Variants in CFAP61 observed in about 807,000 individuals in gnomAD.
The protein encoded by CFAP61 is cilia- and flagella-associated protein 61.
Under a neutral mutation model 135.6 loss-of-function variants are expected in CFAP61, and 107 were observed. The ratio of observed to expected loss-of-function variants is 0.79; its 90% CI spans 0.67 to 0.93. The LOEUF (loss-of-function observed/expected upper bound fraction) is 0.93, where lower values mean the gene tolerates loss of function less well. CFAP61 is among the 40% of genes least tolerant of loss of function. The pLI is 0.00. For synonymous variants in CFAP61, 575 were observed against 578.5 expected, an observed-to-expected ratio of 0.99 and a Z score of 0.09; for missense variants, 1,507 against 1,556.2, an observed-to-expected ratio of 0.97 and a Z score of 0.53.
At position 20,246,142 on chromosome 20, in the gene CFAP61, A is replaced by T; in HGVS notation, c.2086A>T (p.Thr696Ser). 1 of 1,612,426 alleles carries T rather than the reference A, an allele frequency of 6.2e-7. No individual in the cohort carries two copies. Among genetic ancestry groups the T allele is most frequent in the Middle Eastern group, 1.7e-4 (1 of 6,058 alleles). Reference sequence around the variant, plus strand: ...CTCTCACATGAAGTTTAATAATCTTACCCTGATTTCAACTCATGGACTCCC... The same window carrying T: ...CTCTCACATGAAGTTTAATAATCTTTCCCTGATTTCAACTCATGGACTCCC... ...FCSHMKFNNL[T>S]LISTHGLPGK... is the part of the protein sequence containing the mutation. Residue 696 changes from threonine (T) to serine (S), a missense_variant, in exon 19 of 27, where the codon ACC becomes TCC. Coordinates refer to ENST00000245957, the MANE Select transcript of CFAP61 (RefSeq NM_015585.4).
At chr20:20,281,088 AAAAT>A (rs2054168592) in intron 22 of CFAP61, among the ~76,000 whole-genome samples, 4 of 152,226 alleles carry the variant, frequency 2.6e-5, no homozygotes, top group Non-Finnish European at 5.9e-5. Context: ...GCAGGTTTAC[AAAAT>A]GCAATTTATT....
intron 13 of CFAP61, among the ~76,000 whole-genome samples, chr20:20,186,341 A>T (rs1248643458): frequency 1.3e-5 from 2 of 152,220 alleles, no homozygotes; most frequent in Non-Finnish European, 2.9e-5. Flanking sequence ...ATGTTGGAGT[A>T]TGCATCAGTA....
At chr20:20,139,047 A>G (rs1032607804) in intron 8 of CFAP61, among the ~76,000 whole-genome samples, 3 of 152,198 alleles carry the variant, frequency 2.0e-5, no homozygotes, top group Non-Finnish European at 4.4e-5. Context: ...TTTAGAATCA[A>G]TTTATTTCAT....
chr20:20,128,809 C>A (rs538093455), intron 8 of CFAP61, among the ~76,000 whole-genome samples: 3 of 151,696 alleles, frequency 2.0e-5, no homozygotes, highest in African/African-American at 7.3e-5. Context: ...CTATGAAAAA[C>A]ACCTTACAGA....
In CFAP61 at chr20:20,164,604, G is replaced by GA. The variant is rs985859759; in HGVS notation, c.1205+385dup. On this transcript the variant is annotated intron_variant, in intron 11 of 26. Coordinates refer to ENST00000245957, the MANE Select transcript of CFAP61 (RefSeq NM_015585.4). ...CAGGAAATCCAACCAAACTGGCTTTGAAAAAAAAATTGAATAATTGCCTCA... is the reference window on the plus strand; with the variant it reads ...CAGGAAATCCAACCAAACTGGCTTTGAAAAAAAAAATTGAATAATTGCCTCA... 2.6e-5 allele frequency among the ~76,000 whole-genome samples: 4 copies of GA among 151,118 alleles called. No individual in the cohort carries two copies. In the East Asian group the frequency reaches 5.8e-4, roughly 22 times the overall value.
chr20:20,185,183 A>G (rs938619956), intron 13 of CFAP61, among the ~76,000 whole-genome samples: 1 of 152,218 alleles, frequency 6.6e-6, no homozygotes, highest in African/African-American at 2.4e-5. Context: ...TACTTTATGC[A>G]TTTAAAAATA....
At chr20:20,058,313 G>A (rs190464729) in intron 2 of CFAP61, among the ~76,000 whole-genome samples, 112 of 152,268 alleles carry the variant, frequency 7.4e-4, no homozygotes, top group African/African-American at 2.6e-3. Context: ...TCCATTGGAT[G>A]GAAACAACTA....
In CFAP61 at chr20:20,321,291, G is replaced by A. The variant is rs111558958; in HGVS notation, c.3423-20540G>A. Among the ~76,000 whole-genome samples, 319 of 152,278 alleles carry A rather than the reference G, an allele frequency of 2.1e-3. 2 individuals carry two copies. The highest frequency in any genetic ancestry group is 7.3e-3 in the African/African-American group (304 of 41,548). On this transcript the variant is annotated intron_variant, in intron 25 of 26. Coordinates refer to ENST00000245957, the MANE Select transcript of CFAP61 (RefSeq NM_015585.4). Reference sequence around the variant, plus strand: ...TGATTCTCTTCAAAATAACCTAGGAGGGAGAAGAGTAGGAGGAGCTAGCAA... The same window carrying A: ...TGATTCTCTTCAAAATAACCTAGGAAGGAGAAGAGTAGGAGGAGCTAGCAA...
Position 20,142,323 on chromosome 20 carries a change from G to A in CFAP61, c.860-534G>A, listed in dbSNP as rs77017529. ...AGTGAGCATTGTGACCGCTGGCAGA[G>A]CATGAGTTCACAGTATTTCCACACA... On this transcript the variant is annotated intron_variant, in intron 8 of 26. Transcript: ENST00000245957. Among the ~76,000 whole-genome samples, 464 of 152,338 alleles carry A rather than the reference G, an allele frequency of 3.0e-3. 2 individuals are homozygous for A. The highest frequency in any genetic ancestry group is 0.023 in the East Asian group (118 of 5,174).
chr20:20,071,951 C>T (rs2045736213), intron 3 of CFAP61, among the ~76,000 whole-genome samples: 1 of 152,012 alleles, frequency 6.6e-6, no homozygotes, highest in Admixed American at 6.6e-5. Flanking sequence ...GCCTGTTTTA[C>T]AATTCTGTAG....
chr20:20,064,719 G>A (rs1568811001), intron 2 of CFAP61, among the ~76,000 whole-genome samples: 2 of 152,140 alleles, frequency 1.3e-5, no homozygotes, highest in African/African-American at 2.4e-5. Context: ...ATGAAACCAC[G>A]GAGAAGTGGG....
intron 6 of CFAP61, chr20:20,085,554 T>A (rs1217526216): frequency 7.3e-7 from 1 of 1,362,168 alleles, no homozygotes; most frequent in East Asian, 4.6e-5. Flanking sequence ...TATGGATAAC[T>A]TTGTTAACGG....
At chr20:20,132,169 G>A (rs2050584311) in intron 8 of CFAP61, among the ~76,000 whole-genome samples, 1 of 152,008 alleles carries the variant, frequency 6.6e-6, no homozygotes, top group South Asian at 2.1e-4. Flanking sequence ...AAGTGGAATT[G>A]TGTATTATTT....
intron 24 of CFAP61, among the ~76,000 whole-genome samples, chr20:20,294,093 C>T (rs1455804576): frequency 6.6e-6 from 1 of 152,216 alleles, no homozygotes; most frequent in Admixed American, 6.5e-5. Flanking sequence ...AAACAATTTG[C>T]TCGTATACTT....
intron 8 of CFAP61, among the ~76,000 whole-genome samples, chr20:20,142,574 G>A (rs897890666): frequency 1.3e-5 from 2 of 152,160 alleles, no homozygotes; most frequent in Non-Finnish European, 2.9e-5. Context: ...GGCCAGGTCC[G>A]TTGCCCATCT....
intron 8 of CFAP61, among the ~76,000 whole-genome samples, chr20:20,116,068 T>C (rs6046633): frequency 0.031 from 4,773 of 152,274 alleles, 192 homozygotes; most frequent in African/African-American, 0.089. Context: ...AACATATGTA[T>C]ATGTTTGGGT....
chr20:20,186,899 A>G (rs566441874), intron 13 of CFAP61, among the ~76,000 whole-genome samples: 1 of 152,286 alleles, frequency 6.6e-6, no homozygotes, highest in Admixed American at 6.5e-5. Flanking sequence ...AAGGCTAGCT[A>G]CATAATATAC....
intron 2 of CFAP61, among the ~76,000 whole-genome samples, chr20:20,069,159 C>T (rs759134452): frequency 5.9e-5 from 9 of 152,130 alleles, no homozygotes; most frequent in Non-Finnish European, 1.0e-4. Context: ...GTACAGGAAG[C>T]GCATGTGTGT....
intron 8 of CFAP61, among the ~76,000 whole-genome samples, chr20:20,133,787 T>C (rs1004772615): frequency 1.3e-5 from 2 of 152,230 alleles, no homozygotes; most frequent in Non-Finnish European, 2.9e-5. Flanking sequence ...CATCTCAAGA[T>C]GGTGATTTGG....
Sources: allele counts gnomAD v4.1 joint callset (sites outside exome capture counted in the v4.1 genomes callset), GRCh38; gene constraint gnomAD v4.1.1; transcripts MANE v1.5; gene names NCBI Gene and HGNC (gene_info 2026-07-23, HGNC 2026-07-21).